The following UGT1A3 variants were observed in gnomAD, a reference collection of about 807,000 sequenced individuals.
UGT1A3 encodes the protein UDP glucuronosyltransferase family 1 member A3, also known as UDP-glucuronosyltransferase 1A3.
A neutral mutation model predicts 41.0 loss-of-function variants in UGT1A3; 31 were observed. The ratio of observed to expected loss-of-function variants is 0.76; its 90% CI spans 0.57 to 1.02. The LOEUF (loss-of-function observed/expected upper bound fraction) is 1.02. Ranked by LOEUF, UGT1A3 falls within the 50% of genes least tolerant of loss-of-function variation. The probability of loss-of-function intolerance (pLI) is 0.00; values close to 1 mark genes in which losing one functional copy is unlikely to be tolerated. For missense variants in UGT1A3, 737 were observed against 671.0 expected (o/e 1.10, Z -1.09); for synonymous variants, 262 against 257.6 (o/e 1.02, Z -0.17).
chr2:233,754,250 G>A (rs1695430755), intron 1 of UGT1A3: 1 of 169,840 alleles, frequency 5.9e-6, no homozygotes, highest in Non-Finnish European at 1.3e-5. Flanking sequence ...TTTCCCAACG[G>A]AAAAAGGTAA....
intron 1 of UGT1A3, among the ~76,000 whole-genome samples, chr2:233,757,551 T>TATATATATATATATATACATATAC (rs1696621999): frequency 1.3e-5 from 1 of 78,674 alleles, no homozygotes; most frequent in Non-Finnish European, 2.5e-5. Flanking sequence ...TATATATATA[T>TATATATATATATATATACATATAC]ATATATATAT....
chr2:233,748,696 G>A (rs1384133711), intron 1 of UGT1A3, among the ~76,000 whole-genome samples: 1 of 151,680 alleles, frequency 6.6e-6, no homozygotes, highest in Non-Finnish European at 1.5e-5. Context: ...GATTTTTCTG[G>A]TCAGGATTTG....
rs28898623 is a variant in UGT1A3, at chr2:233,737,700, C to T, written c.867+7707C>T. On this transcript the variant is annotated intron_variant, in intron 1 of 4. Coordinates refer to ENST00000482026, the MANE Select transcript of UGT1A3 (RefSeq NM_019093.4). ...ATTTGGCCATTGGTGCTGAAGCTTC[C>T]GTTCTCCTCTCCAACACCTCCTTTT... Among the ~76,000 whole-genome samples the T allele has an allele frequency of 1.4e-3, 213 of 152,228 alleles. 1 individual carries two copies. The highest frequency in any genetic ancestry group is 4.8e-3 in the African/African-American group (199 of 41,534).
At chr2:233,743,943 G>A in intron 1 of UGT1A3, 2 of 1,352,238 alleles carry the variant, frequency 1.5e-6, no homozygotes, top group Non-Finnish European at 9.9e-7. Flanking sequence ...GGCCCACCAG[G>A]CACTGGCACA....
Position 233,729,312 on chromosome 2 carries a change from C to T in UGT1A3, c.186C>T (p.Thr62=). ...GAGGCCACCAGGCAGTGGTCCTCAC[C>T]CCAGAGGTGAATATGCACATCAAAG... ...HARGHQAVVL[T]PEVNMHIKEE... is the part of the protein sequence containing the mutation. Residue 62 remains threonine (T), a synonymous_variant, in exon 1 of 5, where the codon ACC becomes ACT. Coordinates refer to ENST00000482026, the MANE Select transcript of UGT1A3 (RefSeq NM_019093.4). 1 of 1,614,236 alleles carries T rather than the reference C, an allele frequency of 6.2e-7. No individual in the cohort carries two copies. The highest frequency in any genetic ancestry group is 1.1e-5 in the South Asian group (1 of 91,084).
intron 1 of UGT1A3, among the ~76,000 whole-genome samples, chr2:233,751,914 C>A (rs1246513527): frequency 6.6e-6 from 1 of 152,060 alleles, no homozygotes; most frequent in Non-Finnish European, 1.5e-5. Context: ...CAGACTAATA[C>A]AAGATTGGTG....
At chr2:233,737,138 G>A (rs1186912259) in intron 1 of UGT1A3, among the ~76,000 whole-genome samples, 2 of 152,230 alleles carry the variant, frequency 1.3e-5, no homozygotes, top group African/African-American at 4.8e-5. Flanking sequence ...GCTGCCTTTT[G>A]TTCAGATATG....
chr2:233,733,972 G>A (rs2078461884), intron 1 of UGT1A3, among the ~76,000 whole-genome samples: 1 of 152,042 alleles, frequency 6.6e-6, no homozygotes, highest in South Asian at 2.1e-4. Flanking sequence ...AGGGGGAGCG[G>A]GGAGGGATAG....
rs1321436420 is a variant in UGT1A3 at position 233,729,209 on chromosome 2, G to T, written c.83G>T (p.Ser28Ile). ...LLLSVQPWAE[S>I]GKVLVVPIDG... is the part of the protein sequence containing the mutation. ...CTCAGTGTCCAGCCCTGGGCTGAGA[G>T]TGGAAAGGTGTTGGTGGTGCCCATT... Residue 28 changes from serine (S) to isoleucine (I), a missense_variant, in exon 1 of 5, where the codon AGT becomes ATT. Physicochemically the swap from Ser to Ile is moderately radical, Grantham distance 142. Transcript: ENST00000482026. 6.2e-7 allele frequency: 1 copy of T among 1,613,990 alleles called. No homozygotes were observed.
intron 1 of UGT1A3, among the ~76,000 whole-genome samples, chr2:233,739,421 G>C (rs1173496275): frequency 2.6e-5 from 4 of 152,188 alleles, no homozygotes; most frequent in African/African-American, 9.7e-5. Context: ...AAAGCAGCCA[G>C]GACGAGGGCT....
At chr2:233,735,136 T>C (rs2078611903) in intron 1 of UGT1A3, among the ~76,000 whole-genome samples, 1 of 152,178 alleles carries the variant, frequency 6.6e-6, no homozygotes, top group African/African-American at 2.4e-5. Context: ...TCATTATTAT[T>C]GTGTGGGAGT....
intron 1 of UGT1A3, chr2:233,741,975 C>T (rs1043950383): frequency 3.3e-5 from 5 of 151,844 alleles, no homozygotes; most frequent in African/African-American, 4.9e-5. Flanking sequence ...TTTATGGTGC[C>T]TCACCCAAAA....
At chr2:233,767,317 G>A in intron 2 of UGT1A3, 152 bp downstream of exon 2, 4 of 1,492,088 alleles carry the variant, frequency 2.7e-6, no homozygotes, top group Non-Finnish European at 3.5e-6. Flanking sequence ...TTTTTTTGTT[G>A]TTGTGGTTGT....
chr2:233,772,147 T>C, intron 4 of UGT1A3, 115 bp from the exon 5 acceptor site: 1 of 1,552,928 alleles, frequency 6.4e-7, no homozygotes, highest in East Asian at 2.4e-5. Flanking sequence ...TAGAAACAGG[T>C]TTCCTTTCCC....
At chr2:233,745,373 C>A (rs1317791294) in intron 1 of UGT1A3, among the ~76,000 whole-genome samples, 1 of 151,774 alleles carries the variant, frequency 6.6e-6, no homozygotes, top group East Asian at 1.9e-4. Flanking sequence ...GATCTGAGTT[C>A]TCTTCACCTC....
At chr2:233,760,415 T>C in intron 1 of UGT1A3, 2 of 1,614,208 alleles carry the variant, frequency 1.2e-6, no homozygotes, top group Admixed American at 1.7e-5. Flanking sequence ...TGGCTGAGCA[T>C]GCTTGGGGCC....
In UGT1A3 at chr2:233,760,982, C is replaced by A. The variant is rs147640261; in HGVS notation, c.868-6052C>A. Reference sequence around the variant, plus strand: ...GACGTGGTTTATTCCCCGTATGCAACCCTTGCCTCAGAATTCCTTCAGAGA... The same window carrying A: ...GACGTGGTTTATTCCCCGTATGCAAACCTTGCCTCAGAATTCCTTCAGAGA... On this transcript the variant is annotated intron_variant, in intron 1 of 4. Transcript: ENST00000482026. The A allele has an allele frequency of 1.9e-6, 3 of 1,614,220 alleles. No individual in the cohort carries two copies. The highest frequency in any genetic ancestry group is 2.7e-5 in the African/African-American group (2 of 75,052).
At position 233,756,997 on chromosome 2, in the gene UGT1A3, A is replaced by G. The variant is rs1051475353; in HGVS notation, c.868-10037A>G. Among the ~76,000 whole-genome samples the G allele has an allele frequency of 5.9e-5, 9 of 151,946 alleles. No homozygotes were observed. The highest frequency in any genetic ancestry group is 1.9e-4 in the African/African-American group (8 of 41,328). On this transcript the variant is annotated intron_variant, in intron 1 of 4. Coordinates refer to ENST00000482026, the MANE Select transcript of UGT1A3 (RefSeq NM_019093.4). ...AATGAACAGTCATAGTAAGCTGGCC[A>G]AGGGTAGAGTTCAGTTTGAACAAAG...
At chr2:233,733,123 G>A (rs1024576772) in intron 1 of UGT1A3, among the ~76,000 whole-genome samples, 1 of 152,178 alleles carries the variant, frequency 6.6e-6, no homozygotes. Context: ...TGTTATTGGT[G>A]TATAGGAATG....
Sources: allele counts gnomAD v4.1 joint callset (sites outside exome capture counted in the v4.1 genomes callset), GRCh38; gene constraint gnomAD v4.1.1; transcripts MANE v1.5; gene names NCBI Gene and HGNC (gene_info 2026-07-23, HGNC 2026-07-21).